ALOX5: variants seen among roughly 807,000 people sequenced by gnomAD.
ALOX5 encodes the protein polyunsaturated fatty acid 5-lipoxygenase.
A neutral mutation model predicts 87.9 loss-of-function variants in ALOX5; 64 were observed. The observed-to-expected ratio is 0.73, with a 90% CI of 0.60 to 0.90. The LOEUF is 0.90. Ranked by LOEUF, ALOX5 falls within the 40% of genes least tolerant of loss-of-function variation. ALOX5 has a pLI of 0.00. For synonymous variants in ALOX5, 388 were observed against 355.1 expected (o/e 1.09, Z -1.04); for missense variants, 822 against 907.5 (o/e 0.91, Z 1.21).
chr10:45,422,436 G>T (rs570713138), intron 4 of ALOX5, among the ~76,000 whole-genome samples: 1 of 152,188 alleles, frequency 6.6e-6, no homozygotes, highest in East Asian at 1.9e-4. Flanking sequence ...GCCACCTAGG[G>T]CTGCCTCCTC....
intron 3 of ALOX5, among the ~76,000 whole-genome samples, chr10:45,400,361 A>C (rs1840656518): frequency 6.6e-6 from 1 of 152,206 alleles, no homozygotes. Context: ...GCACTTTGGG[A>C]GGTTGAGACG....
intron 2 of ALOX5, among the ~76,000 whole-genome samples, chr10:45,386,373 G>A (rs1157414059): frequency 6.6e-6 from 1 of 152,008 alleles, no homozygotes; most frequent in Non-Finnish European, 1.5e-5. Flanking sequence ...GGCTGAGGTT[G>A]GGGAATCACT....
chr10:45,433,981 GC>G (rs1841990038), intron 7 of ALOX5, among the ~76,000 whole-genome samples: 1 of 152,174 alleles, frequency 6.6e-6, no homozygotes, highest in South Asian at 2.1e-4. Context: ...GAACCAAACA[GC>G]CCAGGACTCT....
At chr10:45,431,697 C>T (rs930837767) in intron 7 of ALOX5, among the ~76,000 whole-genome samples, 14 of 151,856 alleles carry the variant, frequency 9.2e-5, no homozygotes, top group Non-Finnish European at 1.8e-4. Flanking sequence ...CTCAGCCTCC[C>T]GAGTAGCTGG....
At chr10:45,380,759 T>G (rs931139541) in intron 1 of ALOX5, among the ~76,000 whole-genome samples, 2 of 152,064 alleles carry the variant, frequency 1.3e-5, no homozygotes, top group Non-Finnish European at 2.9e-5. Context: ...CTGGCCAACA[T>G]GGTGAAACCC....
intron 2 of ALOX5, among the ~76,000 whole-genome samples, chr10:45,388,270 C>A (rs1238221157): frequency 6.6e-6 from 1 of 152,240 alleles, no homozygotes; most frequent in Non-Finnish European, 1.5e-5. Context: ...GGGGGCAGGT[C>A]ATAGCCGAAC....
chr10:45,443,322 T>C, intron 10 of ALOX5, 94 bp from the exon 11 acceptor site: 2 of 1,581,524 alleles, frequency 1.3e-6, no homozygotes, highest in Non-Finnish European at 1.7e-6. Flanking sequence ...GGGGACGGGG[T>C]GGGGGAGTCC....
At chr10:45,376,810 C>G (rs1055103547) in intron 1 of ALOX5, among the ~76,000 whole-genome samples, 1 of 152,140 alleles carries the variant, frequency 6.6e-6, no homozygotes, top group Non-Finnish European at 1.5e-5. Flanking sequence ...GTGATTCAGT[C>G]AGGACTGGGA....
At chr10:45,426,243 G>A (rs1354392229) in intron 6 of ALOX5, among the ~76,000 whole-genome samples, 1 of 152,226 alleles carries the variant, frequency 6.6e-6, no homozygotes, top group East Asian at 1.9e-4. Flanking sequence ...AAGACTCTGA[G>A]CAGCCATCTC....
chr10:45,417,463 A>G (rs896927633), intron 4 of ALOX5, among the ~76,000 whole-genome samples: 2 of 152,074 alleles, frequency 1.3e-5, no homozygotes, highest in Admixed American at 1.3e-4. Flanking sequence ...CTATTTGCTG[A>G]GTCAAGTCCA....
Position 45,425,408 on chromosome 10 carries a change from AATT to A in ALOX5, c.834+278_834+280del, listed in dbSNP as rs1841671511. On this transcript the variant is annotated intron_variant, in intron 6 of 13. Coordinates refer to ENST00000374391, the MANE Select transcript of ALOX5 (RefSeq NM_000698.5). The surrounding 1 kb of genome is among the most constrained non-coding windows in gnomAD (Gnocchi z 4.4). Reference sequence around the variant, plus strand: ...CAATATTTTCACTATCAGTATCAATAATTACAGGAGCTACCCTTGATTAGGGGC... The same window carrying A: ...CAATATTTTCACTATCAGTATCAATAACAGGAGCTACCCTTGATTAGGGGC... Among the ~76,000 whole-genome samples the A allele has an allele frequency of 6.6e-6, 1 of 152,180 alleles. No individual in the cohort carries two copies. The highest frequency in any genetic ancestry group is 2.4e-5 in the African/African-American group (1 of 41,436).
intron 3 of ALOX5, among the ~76,000 whole-genome samples, chr10:45,398,948 A>T (rs1170999614): frequency 1.3e-5 from 2 of 152,186 alleles, no homozygotes; most frequent in Non-Finnish European, 2.9e-5. Flanking sequence ...CAGCATTTCC[A>T]CTCTTAAGCA....
intron 3 of ALOX5, among the ~76,000 whole-genome samples, chr10:45,409,755 ATGCAGGCCTT>A (rs1378222216): frequency 6.6e-6 from 1 of 152,240 alleles, no homozygotes. Flanking sequence ...GTCTGTGGCC[ATGCAGGCCTT>A]CGGCTCCTGT....
intron 1 of ALOX5, among the ~76,000 whole-genome samples, chr10:45,380,768 C>T (rs1385556893): frequency 6.7e-6 from 1 of 150,328 alleles, no homozygotes; most frequent in South Asian, 2.1e-4. Flanking sequence ...ATGGTGAAAC[C>T]CTGTCTCTAC....
chr10:45,408,125 A>G (rs2132750027), intron 3 of ALOX5, among the ~76,000 whole-genome samples: 1 of 152,180 alleles, frequency 6.6e-6, no homozygotes, highest in Admixed American at 6.5e-5. Flanking sequence ...CTCCTTGCAT[A>G]TTACATCTGT....
intron 7 of ALOX5, among the ~76,000 whole-genome samples, chr10:45,434,173 C>T (rs776982101): frequency 7.9e-5 from 12 of 152,210 alleles, no homozygotes; most frequent in Non-Finnish European, 1.2e-4. Flanking sequence ...GCCCCTGCCC[C>T]GTCTCAATTG....
chr10:45,418,537 C>G (rs907998047), intron 4 of ALOX5, among the ~76,000 whole-genome samples: 1 of 152,192 alleles, frequency 6.6e-6, no homozygotes, highest in African/African-American at 2.4e-5. Context: ...GGAAGGGCCC[C>G]TGCGCTTGCA....
chr10:45,435,027 T>C (rs1052433492), intron 7 of ALOX5, among the ~76,000 whole-genome samples: 4 of 152,188 alleles, frequency 2.6e-5, no homozygotes, highest in African/African-American at 9.7e-5. Flanking sequence ...GAAACACAAA[T>C]TGCTCAGGGC....
intron 10 of ALOX5, 78 bp downstream of exon 10, chr10:45,443,294 C>T: frequency 6.3e-7 from 1 of 1,581,800 alleles, no homozygotes; most frequent in Non-Finnish European, 8.6e-7. Context: ...CCTGGCCCCT[C>T]CACCGCTAGC....
Sources: gnomAD v4.1 joint callset for allele counts (sites outside exome capture counted in the v4.1 genomes callset) on GRCh38, gnomAD v4.1.1 for gene constraint, Gnocchi (gnomAD v3.1) non-coding constraint, MANE v1.5 for transcripts, NCBI Gene and HGNC (gene_info 2026-07-23, HGNC 2026-07-21) for gene names.